The following KANSL1 variants were observed in gnomAD, a reference collection of about 807,000 sequenced individuals.
The protein encoded by KANSL1 is KAT8 regulatory NSL complex subunit 1, also known as MLL1/MLL complex subunit KANSL1.
Under a neutral mutation model 103.6 loss-of-function variants are expected in KANSL1, and 22 were observed. The observed-to-expected ratio is 0.21, with a 90% confidence interval of 0.15 to 0.30. KANSL1 has a LOEUF of 0.30. KANSL1 is among the 10% of genes least tolerant of loss of function. KANSL1 has a pLI of 1.00. For missense variants in KANSL1, 1,337 were observed against 1,399.8 expected (o/e 0.96, Z 0.72); for synonymous variants, 600 against 527.6 (o/e 1.14, Z -1.88).
chr17:46,040,687 AAAC>A (rs1328041358), intron 7 of KANSL1: 1 of 152,212 alleles, frequency 6.6e-6, no homozygotes, highest in Non-Finnish European at 1.5e-5. Context: ...CTTCTGCAAA[AAAC>A]AACAACAAAC....
intron 2 of KANSL1, among the ~76,000 whole-genome samples, chr17:46,099,129 C>T (rs1207980437): frequency 8.5e-6 from 1 of 118,164 alleles, no homozygotes; most frequent in Non-Finnish European, 2.2e-5. Flanking sequence ...CGAGACCATC[C>T]TGGCTAACAC....
chr17:46,162,528 G>C (rs1454324043), intron 2 of KANSL1, among the ~76,000 whole-genome samples: 1 of 152,164 alleles, frequency 6.6e-6, no homozygotes, highest in Non-Finnish European at 1.5e-5. Flanking sequence ...AGTTACCCCT[G>C]CCAAACAAAA....
At chr17:46,186,815 G>A (rs1363507804) in intron 1 of KANSL1, among the ~76,000 whole-genome samples, 3 of 152,052 alleles carry the variant, frequency 2.0e-5, no homozygotes, top group South Asian at 4.1e-4. Flanking sequence ...TACAACCTCC[G>A]CCTCCAGGTT....
At chr17:46,156,123 G>A (rs966729965) in intron 2 of KANSL1, among the ~76,000 whole-genome samples, 25 of 152,248 alleles carry the variant, frequency 1.6e-4, no homozygotes, top group Non-Finnish European at 2.9e-4. Context: ...CAAGGTGGGC[G>A]GATCACCTGA....
chr17:46,074,186 A>C (rs1410823080), intron 4 of KANSL1, among the ~76,000 whole-genome samples: 3 of 152,218 alleles, frequency 2.0e-5, no homozygotes, highest in African/African-American at 7.2e-5. Context: ...AGTATTAGAA[A>C]GTATTTCAAA....
In KANSL1 at chr17:46,054,141, C is replaced by T. The variant is rs115369203; in HGVS notation, c.1849-3437G>A. 8.5e-3 allele frequency among the ~76,000 whole-genome samples: 1,296 copies of T among 152,126 alleles called. 18 individuals carry two copies. The highest frequency in any genetic ancestry group is 0.027 in the African/African-American group (1,112 of 41,514). On this transcript the variant is annotated intron_variant, in intron 6 of 14. Coordinates refer to ENST00000432791, the MANE Select transcript of KANSL1 (RefSeq NM_015443.4). ...CTTAAAAGAAAAAAAAAACAAGGAT[C>T]TCCTGGGCTCAAGAGATTCTTCTGC... is the stretch of plus-strand genomic sequence containing the variant.
At chr17:46,106,234 C>A (rs2042561210) in intron 2 of KANSL1, among the ~76,000 whole-genome samples, 1 of 152,188 alleles carries the variant, frequency 6.6e-6, no homozygotes, top group Non-Finnish European at 1.5e-5. Context: ...CCCCAGTCAG[C>A]TACTGAGAAA....
rs369370288 is a variant in KANSL1, at chr17:46,082,488, G to C, written c.1486C>G (p.Leu496Val). 6.2e-7 allele frequency: 1 copy of C among 1,612,628 alleles called. No homozygotes were observed. Among genetic ancestry groups the C allele is most frequent in the African/African-American group, 1.3e-5 (1 of 74,980 alleles). The change falls in exon 4 of 15, where the codon CTT becomes GTT. Residue 496 changes from leucine to valine, a missense_variant. By Grantham distance (32) the Leu-to-Val change is conservative. Around this residue, in one of 2 missense-constraint regions of KANSL1, gnomAD observed 780 missense variants for 923.4 expected, o/e 0.84. Transcript: ENST00000432791. ...PPPEHTTDLF[L>V]PLSSEVKTDH... ...GTCTTCACCTCAGAACTAAGTGGAA[G>C]AAATAAGTCTGTTGTATGCTCTGGG...
chr17:46,065,500 C>T (rs2078346023), intron 6 of KANSL1, among the ~76,000 whole-genome samples: 1 of 152,154 alleles, frequency 6.6e-6, no homozygotes, highest in South Asian at 2.1e-4. Flanking sequence ...GTACGAGGAA[C>T]TTATCAACCA....
rs1048280435 is a variant in KANSL1, at chr17:46,190,506, T to C, written c.-90+2317A>G. Among the ~76,000 whole-genome samples the C allele has an allele frequency of 3.9e-5, 6 of 152,366 alleles. No homozygotes were observed. The East Asian group carries it at 9.6e-4, about 24-fold the overall frequency. ...AATACTTCACTTCAGTGGACTCATA[T>C]AGATGGAAAGACCGAAAATCCCACC... On this transcript the variant is annotated intron_variant, in intron 1 of 14. Coordinates refer to ENST00000432791, the MANE Select transcript of KANSL1 (RefSeq NM_015443.4).
chr17:46,075,938 C>G, intron 4 of KANSL1, among the ~76,000 whole-genome samples: 1 of 152,182 alleles, frequency 6.6e-6, no homozygotes, highest in African/African-American at 2.4e-5. Context: ...ACTACCTTTA[C>G]TGACTCCCTC....
chr17:46,142,942 A>T (rs2044500225), intron 2 of KANSL1, among the ~76,000 whole-genome samples: 1 of 152,274 alleles, frequency 6.6e-6, no homozygotes, highest in African/African-American at 2.4e-5. Flanking sequence ...AGCAAGCATC[A>T]GAAAGTCCAT....
intron 3 of KANSL1, among the ~76,000 whole-genome samples, chr17:46,091,929 G>A (rs1330538379): frequency 6.7e-6 from 1 of 149,238 alleles, no homozygotes; most frequent in Non-Finnish European, 1.5e-5. Context: ...TGATTCTCCT[G>A]TCTCAGCCTC....
chr17:46,055,256 G>T (rs569111428), intron 6 of KANSL1, among the ~76,000 whole-genome samples: 94 of 152,062 alleles, frequency 6.2e-4, no homozygotes, highest in African/African-American at 2.1e-3. Flanking sequence ...CTGAGGTTAG[G>T]AGTTCAAGAC....
intron 6 of KANSL1, among the ~76,000 whole-genome samples, chr17:46,057,025 G>A (rs876944): frequency 1.3e-5 from 2 of 152,036 alleles, no homozygotes; most frequent in African/African-American, 4.8e-5. Context: ...CGGTCATCCC[G>A]TCTAGAAAAA....
intron 2 of KANSL1, among the ~76,000 whole-genome samples, chr17:46,138,082 C>CTGACTCCTGCCT (rs369930611): frequency 5.3e-5 from 8 of 152,184 alleles, no homozygotes; most frequent in African/African-American, 1.9e-4. Flanking sequence ...GCCACATTTC[C>CTGACTCCTGCCT]TGACTCCTGC....
intron 1 of KANSL1, among the ~76,000 whole-genome samples, chr17:46,219,198 A>G (rs371346421): frequency 6.7e-5 from 10 of 150,316 alleles, no homozygotes; most frequent in Admixed American, 2.7e-4. Context: ...CAGGAAGTGG[A>G]GGTTGCAGTG....
chr17:46,039,364 G>T, intron 8 of KANSL1, 149 bp from the exon 9 acceptor site: 1 of 713,102 alleles, frequency 1.4e-6, no homozygotes, highest in Non-Finnish European at 2.2e-6. Context: ...CTAGTAATTT[G>T]CACAATGGCT....
chr17:46,038,724 A>G, intron 9 of KANSL1, 38 bp from the exon 10 acceptor site: 2 of 1,611,318 alleles, frequency 1.2e-6, no homozygotes, highest in Non-Finnish European at 1.7e-6. Context: ...ATACATGGCT[A>G]TCTTAACCAG....
Sources: allele counts gnomAD v4.1 joint callset (sites outside exome capture counted in the v4.1 genomes callset), GRCh38; gene constraint gnomAD v4.1.1; regional missense constraint gnomAD v4.1.1; transcripts MANE v1.5; gene names NCBI Gene and HGNC (gene_info 2026-07-23, HGNC 2026-07-21).